Variants in ROBO1 observed in about 807,000 individuals in gnomAD.
The protein encoded by ROBO1 is roundabout homolog 1.
ROBO1 carries 149 observed loss-of-function variants against 195.9 expected under a neutral mutation model. That is an observed-to-expected ratio of 0.76 (90% CI 0.67 to 0.87). The LOEUF is 0.87. Among genes scored for constraint, ROBO1 ranks in the 40% least tolerant of loss-of-function variants. ROBO1 has a pLI of 0.00. For synonymous variants in ROBO1, 816 were observed against 733.2 expected (o/e 1.11, Z -1.82); for missense variants, 1,933 against 2,068.3 (o/e 0.93, Z 1.27).
At chr3:78,688,609 T>C in intron 9 of ROBO1, 39 bp downstream of exon 9, 1 of 1,529,270 alleles carries the variant, frequency 6.5e-7, no homozygotes, top group South Asian at 1.3e-5. Context: ...GCAACCATCT[T>C]TGCTGATTTA....
At chr3:79,395,146 AC>A (rs1274177718) in intron 2 of ROBO1, among the ~76,000 whole-genome samples, 1 of 151,684 alleles carries the variant, frequency 6.6e-6, no homozygotes, top group Non-Finnish European at 1.5e-5. Context: ...ACATGGTGCA[AC>A]CCCGTCTCCA....
At chr3:78,818,826 C>T (rs1046527230) in intron 4 of ROBO1, among the ~76,000 whole-genome samples, 1 of 152,178 alleles carries the variant, frequency 6.6e-6, no homozygotes, top group Non-Finnish European at 1.5e-5. Flanking sequence ...GTTTCGCTTT[C>T]GGAGGTTTCA....
At chr3:79,333,450 C>T (rs1339890760) in intron 2 of ROBO1, among the ~76,000 whole-genome samples, 1 of 152,066 alleles carries the variant, frequency 6.6e-6, no homozygotes, top group Non-Finnish European at 1.5e-5. Context: ...ATATCCTCAT[C>T]AATTATCAAG....
intron 3 of ROBO1, among the ~76,000 whole-genome samples, chr3:78,992,064 A>C (rs2077251124): frequency 6.6e-6 from 1 of 152,190 alleles, no homozygotes; most frequent in Non-Finnish European, 1.5e-5. Flanking sequence ...CAGGCCTACA[A>C]AGAAAACAGT....
At chr3:79,105,421 T>G (rs1472549087) in intron 3 of ROBO1, among the ~76,000 whole-genome samples, 1 of 151,710 alleles carries the variant, frequency 6.6e-6, no homozygotes. Flanking sequence ...ATTGTACACC[T>G]GTTAGTCTGA....
At chr3:79,323,789 G>A (rs951274193) in intron 2 of ROBO1, among the ~76,000 whole-genome samples, 18 of 152,178 alleles carry the variant, frequency 1.2e-4, no homozygotes, top group African/African-American at 3.4e-4. Flanking sequence ...AAGCCCAGGT[G>A]TAACTACAGT....
chr3:79,594,658 C>G lies in ROBO1; in HGVS notation c.-50-4697G>C, dbSNP rs191001056. ...TGACTTATATCAAACAATTTAAACT[C>G]TCTTAGTTGCATCTTTCTGAAGTGT... On this transcript the variant is annotated intron_variant, in intron 1 of 30. Transcript: ENST00000464233. Among the ~76,000 whole-genome samples, 3 of 152,052 alleles carry G rather than the reference C, an allele frequency of 2.0e-5. No individual in the cohort carries two copies. The East Asian group carries it at 5.8e-4, about 30-fold the overall frequency.
intron 2 of ROBO1, among the ~76,000 whole-genome samples, chr3:79,172,317 C>T (rs1224565471): frequency 6.6e-6 from 1 of 152,102 alleles, no homozygotes; most frequent in Non-Finnish European, 1.5e-5. Flanking sequence ...TAAATGCATA[C>T]AAACAAATAC....
chr3:79,255,575 A>G (rs981934221), intron 2 of ROBO1, among the ~76,000 whole-genome samples: 13 of 152,170 alleles, frequency 8.5e-5, no homozygotes, highest in African/African-American at 2.7e-4. Context: ...AAGCAAAACA[A>G]AATTATTCTG....
In ROBO1 at chr3:79,452,904, G is replaced by A. The variant is rs2039493611; in HGVS notation, c.88+136920C>T. 2.0e-5 allele frequency among the ~76,000 whole-genome samples: 3 copies of A among 151,904 alleles called. No homozygotes were observed. The South Asian group carries it at 6.2e-4, about 32-fold the overall frequency. ...TTGATAATGTGCATTTGTGGCTGTGGTTTTCTAGAATCTTGAAGTTTTGTA... is the reference window on the plus strand; with the variant it reads ...TTGATAATGTGCATTTGTGGCTGTGATTTTCTAGAATCTTGAAGTTTTGTA... On this transcript the variant is annotated intron_variant, in intron 2 of 30. Coordinates refer to ENST00000464233, the MANE Select transcript of ROBO1 (RefSeq NM_002941.4).
At chr3:78,749,766 A>G (rs369265638) in intron 4 of ROBO1, among the ~76,000 whole-genome samples, 5 of 152,204 alleles carry the variant, frequency 3.3e-5, no homozygotes, top group Non-Finnish European at 7.4e-5. Flanking sequence ...AAAAGCATCC[A>G]TAAGTATTCC....
At chr3:79,519,709 G>A (rs1043524205) in intron 2 of ROBO1, among the ~76,000 whole-genome samples, 3 of 151,490 alleles carry the variant, frequency 2.0e-5, no homozygotes, top group African/African-American at 7.3e-5. Flanking sequence ...GCCAGGAGAA[G>A]GTTGAGAGTG....
At chr3:78,796,562 A>G (rs976548885) in intron 4 of ROBO1, among the ~76,000 whole-genome samples, 10 of 150,118 alleles carry the variant, frequency 6.7e-5, no homozygotes, top group Non-Finnish European at 1.0e-4. Flanking sequence ...TGAACTGATC[A>G]TTTTCACCCT....
chr3:79,018,506 G>A lies in ROBO1; in HGVS notation c.173-79579C>T, dbSNP rs1049518828. 3.1e-6 allele frequency: 5 copies of A among 1,611,874 alleles called. No individual in the cohort carries two copies. The Admixed American group carries it at 6.7e-5, about 22-fold the overall frequency. On this transcript the variant is annotated intron_variant, in intron 3 of 30. Coordinates refer to ENST00000464233, the MANE Select transcript of ROBO1 (RefSeq NM_002941.4). ...TATACAGTCTCATGCCAAGAGGAGG[G>A]AGTGGAAATAGGGTCCCCAAATGTA... is the stretch of plus-strand genomic sequence containing the variant.
chr3:78,949,508 A>C (rs1429255676), intron 3 of ROBO1, among the ~76,000 whole-genome samples: 2 of 152,204 alleles, frequency 1.3e-5, no homozygotes, highest in African/African-American at 4.8e-5. Flanking sequence ...ACAAAAATTA[A>C]TTCCAGATGG....
chr3:78,959,654 A>C (rs550589631), intron 3 of ROBO1, among the ~76,000 whole-genome samples: 1 of 152,336 alleles, frequency 6.6e-6, no homozygotes, highest in South Asian at 2.1e-4. Context: ...ACAGATCCAC[A>C]AAAGTTCAAT....
intron 1 of ROBO1, among the ~76,000 whole-genome samples, chr3:79,602,629 T>A (rs1576099134): frequency 6.6e-6 from 1 of 152,062 alleles, no homozygotes; most frequent in African/African-American, 2.4e-5. Context: ...TGTATCAAGA[T>A]GAAAATGCAG....
chr3:79,766,102 TATA>T (rs1275090343), intron 1 of ROBO1, among the ~76,000 whole-genome samples: 37 of 129,626 alleles, frequency 2.9e-4, no homozygotes, highest in Admixed American at 2.7e-3. Flanking sequence ...TCCCTTCATC[TATA>T]GAAGGAGCCT....
intron 2 of ROBO1, among the ~76,000 whole-genome samples, chr3:79,360,020 CT>C (rs1454728230): frequency 6.6e-6 from 1 of 151,930 alleles, no homozygotes; most frequent in East Asian, 1.9e-4. Flanking sequence ...GTGGAATACA[CT>C]TTGGACTCTA....
Sources: gnomAD v4.1 joint callset for allele counts (sites outside exome capture counted in the v4.1 genomes callset) on GRCh38, gnomAD v4.1.1 for gene constraint, MANE v1.5 for transcripts, NCBI Gene and HGNC (gene_info 2026-07-23, HGNC 2026-07-21) for gene names.